TJP1: variants seen among roughly 807,000 people sequenced by gnomAD.
TJP1 encodes tight junction protein 1, also known as tight junction protein ZO-1.
Under a neutral mutation model 194.2 loss-of-function variants are expected in TJP1, and 43 were observed. That is an observed-to-expected ratio of 0.22 (90% CI 0.17 to 0.29). The LOEUF (loss-of-function observed/expected upper bound fraction) is 0.29. Ranked by LOEUF, TJP1 falls within the 10% of genes least tolerant of loss-of-function variation. TJP1 has a pLI of 1.00. For synonymous variants in TJP1, 801 were observed against 779.0 expected, an observed-to-expected ratio of 1.03 and a Z score of -0.47; for missense variants, 1,971 against 2,185.7, an observed-to-expected ratio of 0.90 and a Z score of 1.96.
At chr15:29,883,782 G>C (rs1356691620) in intron 2 of TJP1, among the ~76,000 whole-genome samples, 1 of 152,058 alleles carries the variant, frequency 6.6e-6, no homozygotes, top group Non-Finnish European at 1.5e-5. Context: ...TTCAACAAAT[G>C]ATTATATTTT....
chr15:29,779,647 A>G (rs1209907925), intron 2 of TJP1, among the ~76,000 whole-genome samples: 2 of 152,232 alleles, frequency 1.3e-5, no homozygotes, highest in African/African-American at 4.8e-5. Context: ...TTGATTGATT[A>G]TTCAATTTAA....
At chr15:29,784,245 AC>A (rs2047558182) in intron 2 of TJP1, among the ~76,000 whole-genome samples, 1 of 152,170 alleles carries the variant, frequency 6.6e-6, no homozygotes. Context: ...GAGGACTAAT[AC>A]CAAAAATATA....
At chr15:29,913,662 G>C (rs1443948442) in intron 2 of TJP1, among the ~76,000 whole-genome samples, 1 of 152,144 alleles carries the variant, frequency 6.6e-6, no homozygotes, top group Non-Finnish European at 1.5e-5. Context: ...AAAATAACTA[G>C]TGAGTGAGAG....
chr15:29,797,432 G>A (rs979891878), intron 2 of TJP1, among the ~76,000 whole-genome samples: 1 of 152,074 alleles, frequency 6.6e-6, no homozygotes, highest in African/African-American at 2.4e-5. Flanking sequence ...TTACAGGCTT[G>A]AGCCACTACA....
At chr15:29,949,676 TCCACCTTCA>T (rs2055548662) in intron 2 of TJP1, among the ~76,000 whole-genome samples, 1 of 39,574 alleles carries the variant, frequency 2.5e-5, no homozygotes, top group East Asian at 1.7e-3. Context: ...AACCACCACC[TCCACCTTCA>T]CCACCACCTC....
At chr15:29,899,476 C>A (rs2053573987) in intron 2 of TJP1, among the ~76,000 whole-genome samples, 1 of 152,146 alleles carries the variant, frequency 6.6e-6, no homozygotes, top group South Asian at 2.1e-4. Context: ...GTTTTATCAG[C>A]TCTTCAGATG....
chr15:29,940,288 C>T (rs975437000), intron 2 of TJP1, among the ~76,000 whole-genome samples: 4 of 152,196 alleles, frequency 2.6e-5, no homozygotes. Flanking sequence ...AGAGCCAGCA[C>T]ACAGAGCGTG....
chr15:29,846,419 A>G (rs2051410333), intron 2 of TJP1, among the ~76,000 whole-genome samples: 3 of 152,158 alleles, frequency 2.0e-5, no homozygotes, highest in African/African-American at 7.2e-5. Context: ...CTTTCGGTTA[A>G]TAACTACTTC....
At chr15:29,844,838 T>A (rs1193080671) in intron 2 of TJP1, among the ~76,000 whole-genome samples, 1 of 152,104 alleles carries the variant, frequency 6.6e-6, no homozygotes, top group Non-Finnish European at 1.5e-5. Flanking sequence ...AAGATGCTAT[T>A]TGAAGCCATG....
chr15:29,894,196 C>T (rs1004182739), intron 2 of TJP1, among the ~76,000 whole-genome samples: 14 of 152,252 alleles, frequency 9.2e-5, no homozygotes, highest in South Asian at 6.2e-4. Flanking sequence ...TGGTGGCTCA[C>T]GCCTGTAATC....
chr15:29,851,930 CA>C (rs796919776), intron 2 of TJP1, among the ~76,000 whole-genome samples: 3 of 148,140 alleles, frequency 2.0e-5, no homozygotes, highest in Non-Finnish European at 3.0e-5. Flanking sequence ...CAATCACAGG[CA>C]AAAAAAAATG....
chr15:29,809,974 A>T (rs1484590317), intron 1 of TJP1, among the ~76,000 whole-genome samples: 1 of 152,232 alleles, frequency 6.6e-6, no homozygotes, highest in Non-Finnish European at 1.5e-5. Flanking sequence ...ACACATGTTG[A>T]GTATTCCATT....
At chr15:29,948,176 C>A (rs372880096) in intron 2 of TJP1, among the ~76,000 whole-genome samples, 7 of 151,244 alleles carry the variant, frequency 4.6e-5, no homozygotes, top group Non-Finnish European at 7.4e-5. Flanking sequence ...GCAGGAGAAT[C>A]GCTTGAACCC....
At chr15:29,835,010 G>A (rs2050978406) in intron 2 of TJP1, among the ~76,000 whole-genome samples, 1 of 152,196 alleles carries the variant, frequency 6.6e-6, no homozygotes, top group Non-Finnish European at 1.5e-5. Flanking sequence ...GGTCTTTTGG[G>A]AATGAAGTTT....
chr15:29,841,341 C>G (rs1383050245), intron 2 of TJP1, among the ~76,000 whole-genome samples: 3 of 152,162 alleles, frequency 2.0e-5, no homozygotes, highest in African/African-American at 4.8e-5. Flanking sequence ...ATATTTAACC[C>G]ACTGAAAATA....
At chr15:29,786,562 C>A (rs2047713188) in intron 2 of TJP1, among the ~76,000 whole-genome samples, 1 of 152,150 alleles carries the variant, frequency 6.6e-6, no homozygotes, top group South Asian at 2.1e-4. Context: ...TGCAGTGGTG[C>A]AATCACAGCT....
chr15:29,720,779 G>T, intron 18 of TJP1, 71 bp from the exon 19 acceptor site: 3 of 1,212,262 alleles, frequency 2.5e-6, no homozygotes, highest in Non-Finnish European at 3.4e-6. Context: ...ATCGTACAAG[G>T]CAGATTGAAA....
intron 1 of TJP1, among the ~76,000 whole-genome samples, chr15:29,810,843 C>T (rs1014755904): frequency 3.9e-5 from 6 of 152,118 alleles, no homozygotes; most frequent in Non-Finnish European, 5.9e-5. Context: ...TAGGAAAGTG[C>T]ATCTCTCATT....
intron 2 of TJP1, among the ~76,000 whole-genome samples, chr15:29,876,759 G>A (rs1224582685): frequency 1.3e-5 from 2 of 152,100 alleles, no homozygotes; most frequent in East Asian, 1.9e-4. Context: ...TAAAAACCAC[G>A]TGGACTGCTG....
Sources: allele counts gnomAD v4.1 joint callset (sites outside exome capture counted in the v4.1 genomes callset), GRCh38; gene constraint gnomAD v4.1.1; transcripts MANE v1.5; gene names NCBI Gene and HGNC (gene_info 2026-07-23, HGNC 2026-07-21).